Variants in KAZN observed in about 807,000 individuals in gnomAD.
KAZN encodes the protein kazrin, periplakin interacting protein.
A neutral mutation model predicts 87.4 loss-of-function variants in KAZN; 40 were observed. The ratio of observed to expected loss-of-function variants is 0.46; its 90% CI spans 0.36 to 0.60. The LOEUF (loss-of-function observed/expected upper bound fraction) is 0.60. Among genes scored for constraint, KAZN ranks in the 20% least tolerant of loss-of-function variants. The pLI, the probability that KAZN is intolerant of heterozygous loss-of-function variation, is 0.00. For synonymous variants in KAZN, 466 were observed against 458.3 expected, an observed-to-expected ratio of 1.02 and a Z score of -0.22; for missense variants, 898 against 1,073.9, an observed-to-expected ratio of 0.84 and a Z score of 2.29.
intron 2 of KAZN, among the ~76,000 whole-genome samples, chr1:14,978,017 C>T (rs1198641472): frequency 2.0e-5 from 3 of 151,926 alleles, no homozygotes; most frequent in Non-Finnish European, 2.9e-5. Context: ...CTCCGCCTCC[C>T]GAGTAGCTGG....
At chr1:14,067,332 T>A (rs1470269913) in intron 1 of KAZN, among the ~76,000 whole-genome samples, 1 of 152,212 alleles carries the variant, frequency 6.6e-6, no homozygotes, top group Non-Finnish European at 1.5e-5. Context: ...ATGGGAAACT[T>A]TCCCCCTCCT....
intron 2 of KAZN, among the ~76,000 whole-genome samples, chr1:14,559,141 T>C (rs1266871844): frequency 1.3e-5 from 2 of 152,070 alleles, no homozygotes; most frequent in South Asian, 2.1e-4. Flanking sequence ...CCCAAATGAG[T>C]CCCTTGGGTT....
intron 1 of KAZN, among the ~76,000 whole-genome samples, chr1:14,934,496 C>T (rs182692298): frequency 8.1e-4 from 124 of 152,370 alleles, no homozygotes; most frequent in African/African-American, 2.8e-3. Context: ...TGAGCCACTG[C>T]GCCCGGCCCT....
chr1:14,948,088 A>G (rs1457716020), intron 1 of KAZN, among the ~76,000 whole-genome samples: 1 of 152,242 alleles, frequency 6.6e-6, no homozygotes, highest in African/African-American at 2.4e-5. Context: ...TGAAGAAAGA[A>G]TAAGGTAGCC....
intron 2 of KAZN, among the ~76,000 whole-genome samples, chr1:14,530,594 G>A (rs939390695): frequency 5.9e-5 from 9 of 151,882 alleles, no homozygotes; most frequent in Non-Finnish European, 1.3e-4. Context: ...CCTGACTTCC[G>A]GTTGTTTAAA....
In KAZN at chr1:14,116,245, C is replaced by T. The variant is rs72641677; in HGVS notation, c.92-64190C>T. The stretch of plus-strand genomic sequence containing the variant: ...GTCTCCAGGGCATGTCAGAGGTCTT[C>T]AAGGCAGTCTCTCCCATCACAGGCC... On this transcript the variant is annotated intron_variant, in intron 1 of 16. Transcript: ENST00000636203. Among the ~76,000 whole-genome samples, 232 of 152,300 alleles carry T rather than the reference C, an allele frequency of 1.5e-3. 2 individuals carry two copies. The highest frequency in any genetic ancestry group is 2.6e-3 in the Non-Finnish European group (174 of 68,030).
At chr1:14,491,919 A>G (rs766748305) in intron 2 of KAZN, among the ~76,000 whole-genome samples, 2 of 152,102 alleles carry the variant, frequency 1.3e-5, no homozygotes, top group Non-Finnish European at 2.9e-5. Flanking sequence ...TTTTTTGCCT[A>G]TCCCTCCCTT....
rs190589788 is a variant in KAZN, at chr1:14,853,422, C to G, written c.227-107262C>G. Among the ~76,000 whole-genome samples the G allele has an allele frequency of 2.1e-3, 324 of 152,244 alleles. 1 individual carries two copies. Among genetic ancestry groups the G allele is most frequent in the African/African-American group, 7.4e-3 (306 of 41,534 alleles). On this transcript the variant is annotated intron_variant, in intron 1 of 14. Transcript: ENST00000376030. ...GTGCACACCCTCTGTCTCATGGAAT[C>G]CTCACCACACTGCATGAGATAGGAA... is the stretch of plus-strand genomic sequence containing the variant.
intron 10 of KAZN, among the ~76,000 whole-genome samples, chr1:15,098,219 G>A (rs932552439): frequency 3.3e-5 from 5 of 152,188 alleles, no homozygotes; most frequent in Admixed American, 2.6e-4. Context: ...AGTCTAATCC[G>A]GCTCCAGTTC....
chr1:14,654,382 A>C (rs1638655297), intron 1 of KAZN, among the ~76,000 whole-genome samples: 1 of 151,932 alleles, frequency 6.6e-6, no homozygotes. Flanking sequence ...AGTTTGCTGT[A>C]GTCTGTTGGT....
chr1:14,768,450 G>A (rs1437654283), intron 1 of KAZN, among the ~76,000 whole-genome samples: 2 of 152,140 alleles, frequency 1.3e-5, no homozygotes, highest in African/African-American at 2.4e-5. Context: ...TCAAGAACTC[G>A]TGGTTAAATC....
At chr1:14,130,456 C>T (rs1038270500) in intron 1 of KAZN, among the ~76,000 whole-genome samples, 2 of 152,104 alleles carry the variant, frequency 1.3e-5, no homozygotes, top group African/African-American at 2.4e-5. Flanking sequence ...CACTTACTTC[C>T]TGCTGCTTTA....
intron 1 of KAZN, among the ~76,000 whole-genome samples, chr1:14,761,514 T>C (rs1193340576): frequency 2.6e-5 from 4 of 152,186 alleles, no homozygotes; most frequent in African/African-American, 9.6e-5. Context: ...AATGAGTGTT[T>C]GTTGATTAAA....
intron 1 of KAZN, among the ~76,000 whole-genome samples, chr1:14,951,874 G>A (rs1029020394): frequency 5.3e-5 from 8 of 152,186 alleles, no homozygotes; most frequent in African/African-American, 1.9e-4. Context: ...ATTTGGACCT[G>A]ATTTGGGCCC....
chr1:14,606,300 C>CT (rs1222323121), intron 1 of KAZN, among the ~76,000 whole-genome samples: 1 of 152,168 alleles, frequency 6.6e-6, no homozygotes, highest in Non-Finnish European at 1.5e-5. Flanking sequence ...AGCCTTGTCT[C>CT]TACTCCTGAT....
intron 2 of KAZN, among the ~76,000 whole-genome samples, chr1:14,321,867 G>A (rs1274145530): frequency 2.0e-5 from 3 of 152,128 alleles, no homozygotes; most frequent in African/African-American, 7.2e-5. Context: ...GAAAGAAGGT[G>A]GATACCAAAT....
chr1:14,555,616 G>GA (rs914544342), intron 2 of KAZN, among the ~76,000 whole-genome samples: 6 of 151,006 alleles, frequency 4.0e-5, no homozygotes, highest in African/African-American at 9.7e-5. Context: ...TTCACTGGAA[G>GA]AAAAAAAAAG....
At chr1:14,079,679 T>A (rs1643598025) in intron 1 of KAZN, among the ~76,000 whole-genome samples, 1 of 152,168 alleles carries the variant, frequency 6.6e-6, no homozygotes, top group Admixed American at 6.5e-5. Context: ...AAAAGCAAAC[T>A]ATTTCGTGGG....
intron 2 of KAZN, among the ~76,000 whole-genome samples, chr1:14,326,424 G>C (rs895791552): frequency 2.0e-5 from 3 of 152,156 alleles, no homozygotes; most frequent in African/African-American, 7.2e-5. Flanking sequence ...ACCTGATCAA[G>C]CCACCATCTC....
Sources: gnomAD v4.1 joint callset for allele counts (sites outside exome capture counted in the v4.1 genomes callset) on GRCh38, gnomAD v4.1.1 for gene constraint, MANE v1.5 for transcripts, NCBI Gene and HGNC (gene_info 2026-07-23, HGNC 2026-07-21) for gene names.